The following ITPRID1 variants were observed in gnomAD, a reference collection of about 807,000 sequenced individuals.
ITPRID1 encodes ITPR interacting domain containing 1, also known as protein ITPRID1.
ITPRID1 carries 96 observed loss-of-function variants against 95.4 expected under a neutral mutation model. The observed-to-expected ratio is 1.01, with a 90% confidence interval of 0.85 to 1.19. The LOEUF is 1.19. Among genes scored for constraint, ITPRID1 ranks in the 50% most tolerant of loss-of-function variants. The pLI is 0.00. For synonymous variants in ITPRID1, 510 were observed against 453.6 expected, an observed-to-expected ratio of 1.12 and a Z score of -1.58; for missense variants, 1,339 against 1,252.9, an observed-to-expected ratio of 1.07 and a Z score of -1.04.
intron 1 of ITPRID1, among the ~76,000 whole-genome samples, chr7:31,520,562 TGTGA>T (rs1272365431): frequency 5.4e-4 from 27 of 50,238 alleles, no homozygotes; most frequent in East Asian, 2.0e-3. Flanking sequence ...TGTGTGTGTG[TGTGA>T]GAGAGAGAGA....
At chr7:31,569,988 C>T (rs1311036589) in intron 6 of ITPRID1, among the ~76,000 whole-genome samples, 179 bp downstream of exon 6, 1 of 152,002 alleles carries the variant, frequency 6.6e-6, no homozygotes, top group East Asian at 1.9e-4. Flanking sequence ...AATAGAGGTT[C>T]CTTAAAAATC....
At chr7:31,639,072 C>A (rs1432026711) in intron 10 of ITPRID1, among the ~76,000 whole-genome samples, 1 of 152,140 alleles carries the variant, frequency 6.6e-6, no homozygotes, top group African/African-American at 2.4e-5. Flanking sequence ...CCACTGCGCC[C>A]AGCCAGTAAT....
chr7:31,637,136 T>C (rs1196301675), intron 10 of ITPRID1, among the ~76,000 whole-genome samples: 6 of 151,980 alleles, frequency 3.9e-5, no homozygotes, highest in East Asian at 1.9e-4. Context: ...CAGTCTATCG[T>C]TGTTGGACAT....
chr7:31,586,044 G>A, intron 10 of ITPRID1, among the ~76,000 whole-genome samples: 1 of 143,428 alleles, frequency 7.0e-6, no homozygotes, highest in Non-Finnish European at 1.5e-5. Flanking sequence ...CTGTGTTCAT[G>A]TGATCTCATT....
At chr7:31,559,006 C>T (rs755585489) in intron 5 of ITPRID1, among the ~76,000 whole-genome samples, 2 of 152,106 alleles carry the variant, frequency 1.3e-5, no homozygotes, top group Non-Finnish European at 2.9e-5. Context: ...TGAAATTCAC[C>T]TATAAATAAC....
At position 31,643,306 on chromosome 7, in the gene ITPRID1, C is replaced by T. The variant is rs1790192998; in HGVS notation, c.1936C>T (p.His646Tyr). 1 of 1,613,898 alleles carries T rather than the reference C, an allele frequency of 6.2e-7. No individual in the cohort carries two copies. The highest frequency in any genetic ancestry group is 8.5e-7 in the Non-Finnish European group (1 of 1,179,886). ...AAGCTCATCACAGTGTATCCCCAAG[C>T]ACAGTGAAATCACACCTTATGCAAC... ...PESSSQCIPK[H>Y]SEITPYATDL... Residue 646 changes from histidine to tyrosine, a missense_variant, in exon 12 of 15, where the codon CAC (histidine) becomes TAC (tyrosine). His to Tyr is a moderately conservative substitution (Grantham distance 83). Transcript: ENST00000615280.
intron 1 of ITPRID1, chr7:31,518,346 TGTGTGTTGCCTAA>T: frequency 6.6e-6 from 1 of 152,214 alleles, no homozygotes; most frequent in South Asian, 2.1e-4. Context: ...AGGTAATAAA[TGTGTGTTGCCTAA>T]AACTACTGTT....
At chr7:31,617,109 G>C (rs116705375) in intron 10 of ITPRID1, among the ~76,000 whole-genome samples, 283 of 152,288 alleles carry the variant, frequency 1.9e-3, no homozygotes, top group African/African-American at 6.4e-3. Flanking sequence ...TGGTGGGTGA[G>C]CTCGTCCCGG....
intron 10 of ITPRID1, among the ~76,000 whole-genome samples, chr7:31,625,799 A>C (rs1040262266): frequency 1.3e-5 from 2 of 151,030 alleles, no homozygotes; most frequent in African/African-American, 4.9e-5. Context: ...AAGAATTAGA[A>C]TAAGCTTTCC....
In ITPRID1 at chr7:31,643,156, T is replaced by C. The variant is rs1790176280; in HGVS notation, c.1786T>C (p.Ser596Pro). The C allele has an allele frequency of 5.0e-6, 8 of 1,613,580 alleles. No homozygotes were observed. Among genetic ancestry groups the C allele is most frequent in the Non-Finnish European group, 6.8e-6 (8 of 1,179,850 alleles). ...AGKVQSHHNE[S>P]QRSPGNDHTQ... Reference sequence around the variant, plus strand: ...CAAAGTGCAAAGCCACCACAATGAGTCTCAAAGGTCACCTGGAAATGATCA... The same window carrying C: ...CAAAGTGCAAAGCCACCACAATGAGCCTCAAAGGTCACCTGGAAATGATCA... Residue 596 changes from serine (S) to proline (P), a missense_variant, in exon 12 of 15, where the codon TCT (serine) becomes CCT (proline). Ser to Pro is a moderately conservative substitution (Grantham distance 74, BLOSUM62 -1). Coordinates refer to ENST00000615280, the MANE Select transcript of ITPRID1 (RefSeq NM_001257967.3).
At chr7:31,575,888 T>TA (rs1312283875) in intron 8 of ITPRID1, among the ~76,000 whole-genome samples, 2 of 151,692 alleles carry the variant, frequency 1.3e-5, no homozygotes, top group East Asian at 3.9e-4. Context: ...GAATGATATT[T>TA]TTTTTTTAAA....
rs981125864 is a variant in ITPRID1 at position 31,637,853 on chromosome 7, G to A, written c.1229-4323G>A. Among the ~76,000 whole-genome samples the A allele has an allele frequency of 2.0e-5, 3 of 152,210 alleles. No individual in the cohort carries two copies. In the East Asian group the frequency reaches 5.8e-4, roughly 29 times the overall value. ...CAGTATTGCCTAGGTTTTCTTCTAG[G>A]GTTTTTATGGTTTTAGGTCTAACAT... is the stretch of plus-strand genomic sequence containing the variant. On this transcript the variant is annotated intron_variant, in intron 10 of 14. Transcript: ENST00000615280.
intron 5 of ITPRID1, among the ~76,000 whole-genome samples, chr7:31,567,978 T>A (rs1356854126): frequency 6.6e-6 from 1 of 151,890 alleles, no homozygotes; most frequent in African/African-American, 2.4e-5. Context: ...TTCAAAAAAC[T>A]AGACGGACAT....
intron 2 of ITPRID1, among the ~76,000 whole-genome samples, chr7:31,552,391 AT>A (rs1190834834): frequency 6.6e-6 from 1 of 152,148 alleles, no homozygotes; most frequent in Non-Finnish European, 1.5e-5. Flanking sequence ...TACTTCCTTC[AT>A]TGACAATTAA....
At chr7:31,648,624 G>A (rs909799823) in intron 12 of ITPRID1, among the ~76,000 whole-genome samples, 13 of 152,094 alleles carry the variant, frequency 8.5e-5, no homozygotes, top group Non-Finnish European at 1.8e-4. Flanking sequence ...AACTACATGA[G>A]CATAAAATTC....
intron 10 of ITPRID1, among the ~76,000 whole-genome samples, chr7:31,599,664 C>CTTTCTCTCTT (rs373405478): frequency 4.7e-5 from 5 of 105,884 alleles, no homozygotes; most frequent in African/African-American, 2.0e-4. Context: ...TCTTTCCTTT[C>CTTTCTCTCTT]TCTCTCTCTC....
chr7:31,528,724 G>A (rs1367882587), intron 1 of ITPRID1, among the ~76,000 whole-genome samples: 1 of 152,122 alleles, frequency 6.6e-6, no homozygotes, highest in Non-Finnish European at 1.5e-5. Flanking sequence ...AGAGGAAGAG[G>A]AAAGAGTTGA....
rs1227241998 is a variant in ITPRID1, at chr7:31,642,996, G to A, written c.1626G>A (p.Gln542=). The A allele has an allele frequency of 6.2e-7, 1 of 1,614,002 alleles. No individual in the cohort carries two copies. The highest frequency in any genetic ancestry group is 1.3e-5 in the African/African-American group (1 of 75,052). Residue 542 remains glutamine, a synonymous_variant, in exon 12 of 15, where the codon CAG becomes CAA. Coordinates refer to ENST00000615280, the MANE Select transcript of ITPRID1 (RefSeq NM_001257967.3). ...CAAGGAAAGACAGCCATCTGTGGCA[G>A]CTTCTGCCAATGCCCCATGCTGAGT... ...ECPRKDSHLW[Q]LLPMPHAEYE...
At chr7:31,519,620 C>CTCTCTCTCTCTCTATATATATATATA in intron 1 of ITPRID1, among the ~76,000 whole-genome samples, 2 of 25,264 alleles carry the variant, frequency 7.9e-5, no homozygotes, top group Non-Finnish European at 1.5e-4. Context: ...CTCTCTCTCT[C>CTCTCTCTCTCTCTATATATATATATA]TATATATATA....
Sources: gnomAD v4.1 joint callset for allele counts (sites outside exome capture counted in the v4.1 genomes callset) on GRCh38, gnomAD v4.1.1 for gene constraint, MANE v1.5 for transcripts, NCBI Gene and HGNC (gene_info 2026-07-23, HGNC 2026-07-21) for gene names.